POU6F2: variants seen among roughly 807,000 people sequenced by gnomAD.
The protein encoded by POU6F2 is POU domain, class 6, transcription factor 2.
A neutral mutation model predicts 71.3 loss-of-function variants in POU6F2; 31 were observed. The ratio of observed to expected loss-of-function variants is 0.43; its 90% CI spans 0.33 to 0.59. The LOEUF is 0.59. Among genes scored for constraint, POU6F2 ranks in the 20% least tolerant of loss-of-function variants. The pLI, the probability that POU6F2 is intolerant of heterozygous loss-of-function variation, is 0.04. For missense variants in POU6F2, 783 were observed against 856.8 expected, an observed-to-expected ratio of 0.91 and a Z score of 1.07; for synonymous variants, 347 against 355.7, an observed-to-expected ratio of 0.98 and a Z score of 0.27.
chr7:39,167,275 G>A (rs1408971686), intron 2 of POU6F2, among the ~76,000 whole-genome samples: 2 of 151,962 alleles, frequency 1.3e-5, no homozygotes, highest in African/African-American at 4.8e-5. Flanking sequence ...CTTTTGTACT[G>A]CATAAAACAT....
intron 1 of POU6F2, among the ~76,000 whole-genome samples, chr7:39,080,400 C>T (rs1269522161): frequency 1.3e-4 from 20 of 152,084 alleles, no homozygotes; most frequent in Admixed American, 9.2e-4. Flanking sequence ...ACCTCTTCTC[C>T]GTGGGAAAAA....
chr7:39,145,915 T>G, intron 2 of POU6F2, among the ~76,000 whole-genome samples: 1 of 152,210 alleles, frequency 6.6e-6, no homozygotes, highest in African/African-American at 2.4e-5. Context: ...CAAGGAAAAC[T>G]GCAATTTAAA....
At chr7:39,292,690 G>A (rs1008589304) in intron 4 of POU6F2, among the ~76,000 whole-genome samples, 12 of 152,174 alleles carry the variant, frequency 7.9e-5, no homozygotes, top group Middle Eastern at 3.2e-3. Context: ...ACCATGGGGA[G>A]TTTTTCTTGC....
At chr7:38,994,898 A>C (rs550234405) in intron 1 of POU6F2, among the ~76,000 whole-genome samples, 1 of 152,264 alleles carries the variant, frequency 6.6e-6, no homozygotes, top group South Asian at 2.1e-4. Flanking sequence ...AACTTTCTAC[A>C]ACCTGCTGCC....
At chr7:39,456,401 A>C (rs1194646550) in intron 8 of POU6F2, among the ~76,000 whole-genome samples, 1 of 152,214 alleles carries the variant, frequency 6.6e-6, no homozygotes. Context: ...CAAGCTGAAA[A>C]GTATATATTC....
chr7:39,407,924 A>T (rs1167576480), intron 6 of POU6F2, among the ~76,000 whole-genome samples: 1 of 152,186 alleles, frequency 6.6e-6, no homozygotes, highest in Non-Finnish European at 1.5e-5. Context: ...TCACAGGTGC[A>T]CACCGCACAT....
intron 4 of POU6F2, among the ~76,000 whole-genome samples, chr7:39,286,554 T>C (rs1047001334): frequency 1.3e-5 from 2 of 152,180 alleles, no homozygotes; most frequent in African/African-American, 4.8e-5. Flanking sequence ...TTCTGGCCTC[T>C]CCTTGAACAT....
chr7:39,145,753 G>A (rs1296370391), intron 2 of POU6F2, among the ~76,000 whole-genome samples: 2 of 152,124 alleles, frequency 1.3e-5, no homozygotes, highest in African/African-American at 4.8e-5. Flanking sequence ...AGTTTTAAGG[G>A]TGTGGGGTTG....
At chr7:39,236,974 G>A (rs922361090) in intron 4 of POU6F2, among the ~76,000 whole-genome samples, 9 of 152,146 alleles carry the variant, frequency 5.9e-5, no homozygotes, top group African/African-American at 7.2e-5. Context: ...ATATAAAGAC[G>A]CTATTTTCAA....
intron 1 of POU6F2, among the ~76,000 whole-genome samples, chr7:39,018,369 T>C (rs919232982): frequency 6.6e-6 from 1 of 152,152 alleles, no homozygotes; most frequent in Non-Finnish European, 1.5e-5. Flanking sequence ...AGTTACTGTG[T>C]CAGGTGTGAA....
intron 6 of POU6F2, among the ~76,000 whole-genome samples, chr7:39,426,447 A>G (rs1787973782): frequency 6.6e-6 from 1 of 152,148 alleles, no homozygotes; most frequent in South Asian, 2.1e-4. Context: ...ATTTTAAATC[A>G]TTCAGACCCA....
At chr7:39,007,077 A>C (rs1789095136) in intron 1 of POU6F2, among the ~76,000 whole-genome samples, 1 of 152,178 alleles carries the variant, frequency 6.6e-6, no homozygotes, top group African/African-American at 2.4e-5. Context: ...AGCTGTATCC[A>C]TGGGTGGCAT....
chr7:39,005,215 G>A (rs1379838671), intron 1 of POU6F2: 1 of 152,302 alleles, frequency 6.6e-6, no homozygotes, highest in Non-Finnish European at 1.5e-5. Context: ...AAAGCCTGCT[G>A]TGAAAACAAT....
intron 5 of POU6F2, among the ~76,000 whole-genome samples, chr7:39,388,168 C>T (rs920062068): frequency 1.3e-5 from 2 of 152,096 alleles, no homozygotes; most frequent in African/African-American, 2.4e-5. Flanking sequence ...CACTGTCCTG[C>T]GACAGTGCTC....
At chr7:39,032,182 G>C (rs1789959072) in intron 1 of POU6F2, among the ~76,000 whole-genome samples, 1 of 152,032 alleles carries the variant, frequency 6.6e-6, no homozygotes, top group Admixed American at 6.6e-5. Flanking sequence ...TGGACTTTTT[G>C]TAGAAATTTG....
chr7:39,249,786 A>T (rs971815121), intron 4 of POU6F2, among the ~76,000 whole-genome samples: 1 of 152,210 alleles, frequency 6.6e-6, no homozygotes. Context: ...CAGCAAATGC[A>T]GCTCTCAATC....
At chr7:39,078,323 C>CA (rs1469716796) in intron 1 of POU6F2, among the ~76,000 whole-genome samples, 1 of 152,132 alleles carries the variant, frequency 6.6e-6, no homozygotes, top group African/African-American at 2.4e-5. Flanking sequence ...TAAGCACAGG[C>CA]AAAAACACTT....
At chr7:39,026,674 A>G (rs1789811943) in intron 1 of POU6F2, among the ~76,000 whole-genome samples, 1 of 152,106 alleles carries the variant, frequency 6.6e-6, no homozygotes, top group South Asian at 2.1e-4. Flanking sequence ...TGGGTGCAGC[A>G]CACCAGCATG....
At chr7:39,368,261 G>A (rs1786543651) in intron 5 of POU6F2, among the ~76,000 whole-genome samples, 1 of 152,156 alleles carries the variant, frequency 6.6e-6, no homozygotes, top group Admixed American at 6.5e-5. Context: ...GTAAAGTGAA[G>A]CAGCCTTATT....
Sources: allele counts gnomAD v4.1 joint callset (sites outside exome capture counted in the v4.1 genomes callset), GRCh38; gene constraint gnomAD v4.1.1; transcripts MANE v1.5; gene names NCBI Gene and HGNC (gene_info 2026-07-23, HGNC 2026-07-21).